FOXK2: variants seen among roughly 807,000 people sequenced by gnomAD.
FOXK2 encodes forkhead box K2.
A neutral mutation model predicts 53.3 loss-of-function variants in FOXK2; 24 were observed. That is an observed-to-expected ratio of 0.45 (90% CI 0.33 to 0.63). The LOEUF (loss-of-function observed/expected upper bound fraction) is 0.63, where lower values mean the gene tolerates loss of function less well. FOXK2 is among the 30% of genes least tolerant of loss of function. The probability of loss-of-function intolerance (pLI) is 0.03; values close to 1 mark genes in which losing one functional copy is unlikely to be tolerated. For missense variants in FOXK2, 952 were observed against 910.5 expected, an observed-to-expected ratio of 1.05 and a Z score of -0.59; for synonymous variants, 505 against 407.1, an observed-to-expected ratio of 1.24 and a Z score of -2.89.
chr17:82,543,289 A>G lies in FOXK2; in HGVS notation c.420-20065A>G, dbSNP rs150941336. On this transcript the variant is annotated intron_variant, in intron 1 of 8. Transcript: ENST00000335255. ...TTTAGAGATAGGGCCTTGCTCTGGT[A>G]CCCAGGCTGGAAGTGTCAGTGGTGC... Among the ~76,000 whole-genome samples, 55 of 152,348 alleles carry G rather than the reference A, an allele frequency of 3.6e-4. 1 individual carries two copies. In the East Asian group the frequency reaches 9.6e-3, roughly 27 times the overall value.
At chr17:82,551,979 A>C (rs1308728744) in intron 1 of FOXK2, among the ~76,000 whole-genome samples, 1 of 151,776 alleles carries the variant, frequency 6.6e-6, no homozygotes, top group Non-Finnish European at 1.5e-5. Context: ...CACCTGCTGC[A>C]CTCTGGGTGG....
chr17:82,586,816 A>G (rs1302402103), intron 7 of FOXK2, among the ~76,000 whole-genome samples: 2 of 151,984 alleles, frequency 1.3e-5, no homozygotes, highest in Non-Finnish European at 2.9e-5. Flanking sequence ...CGGGAGAATC[A>G]CTTGAACCCG....
chr17:82,582,801 G>T lies in FOXK2; in HGVS notation c.970G>T (p.Glu324Ter). Reference sequence around the variant, plus strand: ...TTTCATCAAAGTGCCGCGTTCCCAGGAAGAACCAGGCAAAGGCTCGTTCTG... The same window carrying T: ...TTTCATCAAAGTGCCGCGTTCCCAGTAAGAACCAGGCAAAGGCTCGTTCTG... The part of the protein sequence containing the change: ...RYFIKVPRSQ[E>*]EPGKGSFWRI... The change falls in exon 5 of 9, where the codon GAA becomes TAA. Residue 324 changes from glutamate to a stop codon, truncating the protein, a stop_gained. Transcript: ENST00000335255. LOFTEE classifies it high-confidence loss of function. The T allele has an allele frequency of 6.2e-7, 1 of 1,611,076 alleles. No individual in the cohort carries two copies. Among genetic ancestry groups the T allele is most frequent in the Non-Finnish European group, 8.5e-7 (1 of 1,179,254 alleles).
At chr17:82,556,977 A>G (rs1368797328) in intron 1 of FOXK2, among the ~76,000 whole-genome samples, 1 of 151,664 alleles carries the variant, frequency 6.6e-6, no homozygotes, top group Non-Finnish European at 1.5e-5. Context: ...TGCTGGGATG[A>G]CAGGCGTGAG....
At chr17:82,530,071 A>G (rs2044458522) in intron 1 of FOXK2, among the ~76,000 whole-genome samples, 1 of 152,216 alleles carries the variant, frequency 6.6e-6, no homozygotes, top group African/African-American at 2.4e-5. Context: ...ATGTGACGTC[A>G]TTGTTAGCAC....
chr17:82,536,723 T>C (rs1482961519), intron 1 of FOXK2, among the ~76,000 whole-genome samples: 1 of 152,204 alleles, frequency 6.6e-6, no homozygotes, highest in Non-Finnish European at 1.5e-5. Flanking sequence ...CCTTTTGCCC[T>C]GGGCATGTGT....
intron 8 of FOXK2, chr17:82,595,735 G>T: frequency 7.8e-7 from 1 of 1,281,964 alleles, no homozygotes; most frequent in East Asian, 5.6e-5. Flanking sequence ...CCCTAAAAGT[G>T]CACCTGGCTC....
chr17:82,529,388 A>ATTT (rs767198244), intron 1 of FOXK2, among the ~76,000 whole-genome samples: 5 of 122,064 alleles, frequency 4.1e-5, no homozygotes, highest in Admixed American at 8.6e-5. Context: ...ACGCCGGCTA[A>ATTT]TTTTTTTTTT....
chr17:82,595,883 G>A, intron 8 of FOXK2: 1 of 1,285,510 alleles, frequency 7.8e-7, no homozygotes. Context: ...TGCTTCTGGA[G>A]ACAAGAGCAA....
intron 8 of FOXK2, chr17:82,593,802 C>G (rs150118894): frequency 2.0e-5 from 3 of 152,270 alleles, no homozygotes; most frequent in African/African-American, 7.2e-5. Context: ...ATGGGTGTTG[C>G]GTTGTGAGCA....
At chr17:82,594,693 G>A (rs34576138) in intron 8 of FOXK2, among the ~76,000 whole-genome samples, 25,003 of 152,082 alleles carry the variant, frequency 0.16, 2,175 homozygotes, top group Middle Eastern at 0.23. Context: ...ATTGGAGTAG[G>A]CAGCAGCGGA....
chr17:82,587,024 C>A (rs371475960), intron 7 of FOXK2, 39 bp from the exon 8 acceptor site: 1,266 of 1,585,752 alleles, frequency 8.0e-4, no homozygotes, highest in Non-Finnish European at 9.6e-4. Flanking sequence ...TATTTGCTTT[C>A]CAGTAATATT....
At chr17:82,524,780 C>T (rs1226501004) in intron 1 of FOXK2, among the ~76,000 whole-genome samples, 1 of 152,164 alleles carries the variant, frequency 6.6e-6, no homozygotes, top group Non-Finnish European at 1.5e-5. Context: ...CTGGGCCCCA[C>T]CTGGCAGGGC....
chr17:82,583,929 T>C (rs2045099098), intron 5 of FOXK2, 84 bp from the exon 6 acceptor site: 2 of 1,418,728 alleles, frequency 1.4e-6, no homozygotes, highest in African/African-American at 1.4e-5. Flanking sequence ...GACACCCCCT[T>C]TGCAAAGTGC....
At chr17:82,582,285 C>G (rs546716716) in intron 4 of FOXK2, among the ~76,000 whole-genome samples, 1 of 152,178 alleles carries the variant, frequency 6.6e-6, no homozygotes, top group African/African-American at 2.4e-5. Flanking sequence ...CCTCTGTCTG[C>G]GCTGTGTGGA....
intron 2 of FOXK2, among the ~76,000 whole-genome samples, chr17:82,564,734 G>T (rs1189423432): frequency 4.3e-5 from 6 of 138,066 alleles, no homozygotes; most frequent in African/African-American, 1.1e-4. Context: ...TAGTCAAATG[G>T]TTTTTTTTTT....
intron 8 of FOXK2, chr17:82,596,125 C>T (rs944204843): frequency 2.7e-5 from 20 of 732,548 alleles, no homozygotes; most frequent in Middle Eastern, 6.6e-4. Flanking sequence ...CCACAGACTG[C>T]GACCGCGATT....
At position 82,603,383 on chromosome 17, in the gene FOXK2, A is replaced by G. The variant is rs941682526; in HGVS notation, c.*1884A>G. On this transcript the variant is annotated 3_prime_UTR_variant, in exon 9 of 9. Coordinates refer to ENST00000335255, the MANE Select transcript of FOXK2 (RefSeq NM_004514.4). ...CCTGTGTGTGGGGTCAGCTCCCTCC[A>G]CAGAGGGCTCCAGCTCTGTTGGTCA... 1 of 152,242 alleles carries G rather than the reference A, an allele frequency of 6.6e-6. No homozygotes were observed. The highest frequency in any genetic ancestry group is 6.5e-5 in the Admixed American group (1 of 15,282). The allele number at this position is 152,242 out of a possible 1,614,324, so 9.4% of individuals were successfully genotyped here. A position where few individuals can be genotyped will look rare whatever the true frequency, so the allele number is the denominator to read the frequency against.
intron 8 of FOXK2, among the ~76,000 whole-genome samples, chr17:82,595,207 C>T (rs766113111): frequency 6.6e-6 from 1 of 152,212 alleles, no homozygotes; most frequent in Non-Finnish European, 1.5e-5. Context: ...TTGTACAGCT[C>T]TGTAAACAGA....
Sources: allele counts gnomAD v4.1 joint callset (sites outside exome capture counted in the v4.1 genomes callset), GRCh38; gene constraint gnomAD v4.1.1; transcripts MANE v1.5; gene names NCBI Gene and HGNC (gene_info 2026-07-23, HGNC 2026-07-21).